The following SPAG16 variants were observed in gnomAD, a reference collection of about 807,000 sequenced individuals.
SPAG16 encodes the protein sperm-associated antigen 16 protein.
SPAG16 carries 86 observed loss-of-function variants against 80.4 expected under a neutral mutation model. That is an observed-to-expected ratio of 1.07 (90% CI 0.90 to 1.28). The LOEUF (loss-of-function observed/expected upper bound fraction) is 1.28, where lower values mean the gene tolerates loss of function less well. Ranked by LOEUF, SPAG16 falls within the 50% of genes most tolerant of loss-of-function variation. The pLI is 0.00. For synonymous variants in SPAG16, 294 were observed against 265.9 expected (o/e 1.11, Z -1.03); for missense variants, 870 against 765.3 (o/e 1.14, Z -1.61).
intron 10 of SPAG16, among the ~76,000 whole-genome samples, chr2:213,586,946 C>A (rs1393160259): frequency 6.6e-6 from 1 of 152,176 alleles, no homozygotes; most frequent in African/African-American, 2.4e-5. Context: ...GAAGCCCCAC[C>A]CTTGTAGTGT....
chr2:213,667,162 G>A (rs1471807183), intron 10 of SPAG16, among the ~76,000 whole-genome samples: 1 of 152,130 alleles, frequency 6.6e-6, no homozygotes, highest in Non-Finnish European at 1.5e-5. Flanking sequence ...ACATGAATCT[G>A]GATAAATAAT....
chr2:214,306,995 G>C (rs10203574), intron 15 of SPAG16, among the ~76,000 whole-genome samples: 50,035 of 151,850 alleles, frequency 0.33, 8,266 homozygotes, highest in Admixed American at 0.39. Flanking sequence ...TAGAATTCAG[G>C]TGTGAATCCG....
At chr2:213,764,189 C>T (rs970221554) in intron 10 of SPAG16, among the ~76,000 whole-genome samples, 2 of 151,898 alleles carry the variant, frequency 1.3e-5, no homozygotes, top group Non-Finnish European at 2.9e-5. Context: ...AAAATGATGA[C>T]TAAGTTTTTT....
At chr2:213,339,341 TCAGAATGGAAATGTGA>T (rs531669307) in intron 5 of SPAG16, among the ~76,000 whole-genome samples, 249 of 152,364 alleles carry the variant, frequency 1.6e-3, no homozygotes, top group Non-Finnish European at 3.2e-3. Context: ...AGTCCATTTT[TCAGAATGGAAATGTGA>T]CAGTGTCAAT....
rs201809285 is a variant in SPAG16, at chr2:213,748,158, A to G, written c.1071-114327A>G. ...TTCAGGTTACAAAAAATAGACATAG[A>G]GTTGTTAACAGCATAGTTCATGAAT... On this transcript the variant is annotated intron_variant, in intron 10 of 15. Transcript: ENST00000331683. Among the ~76,000 whole-genome samples, 3 of 152,212 alleles carry G rather than the reference A, an allele frequency of 2.0e-5. No homozygotes were observed. In the East Asian group the frequency reaches 5.8e-4, roughly 29 times the overall value.
At chr2:214,128,887 A>G (rs1170719269) in intron 14 of SPAG16, among the ~76,000 whole-genome samples, 2 of 151,764 alleles carry the variant, frequency 1.3e-5, no homozygotes, top group African/African-American at 4.8e-5. Flanking sequence ...GCAGTGCTCA[A>G]ACTAGGGCTA....
intron 10 of SPAG16, among the ~76,000 whole-genome samples, chr2:213,495,567 G>T (rs1378659649): frequency 2.6e-5 from 4 of 152,202 alleles, no homozygotes; most frequent in Non-Finnish European, 5.9e-5. Flanking sequence ...TCTGTTCTGA[G>T]GGAGATTACA....
At chr2:214,246,680 A>C (rs114619851) in intron 15 of SPAG16, among the ~76,000 whole-genome samples, 1 of 152,116 alleles carries the variant, frequency 6.6e-6, no homozygotes, top group Admixed American at 6.6e-5. Context: ...CTGCAGCCAC[A>C]GGAGAGACTT....
At chr2:214,298,141 T>TACAC (rs376991580) in intron 15 of SPAG16, among the ~76,000 whole-genome samples, 2 of 132,344 alleles carry the variant, frequency 1.5e-5, no homozygotes, top group African/African-American at 6.1e-5. Flanking sequence ...CACATACACA[T>TACAC]ACACACACAC....
intron 10 of SPAG16, among the ~76,000 whole-genome samples, chr2:213,711,886 G>T (rs904920898): frequency 6.6e-6 from 1 of 151,946 alleles, no homozygotes; most frequent in Non-Finnish European, 1.5e-5. Context: ...CTAACATCAA[G>T]CTTAGTACAC....
At chr2:214,114,742 C>T (rs1410747072) in intron 14 of SPAG16, among the ~76,000 whole-genome samples, 1 of 152,298 alleles carries the variant, frequency 6.6e-6, no homozygotes, top group East Asian at 1.9e-4. Flanking sequence ...AAGGGAAATC[C>T]CCCAAACCCT....
At chr2:213,358,625 C>G (rs2065803501) in intron 7 of SPAG16, among the ~76,000 whole-genome samples, 1 of 152,164 alleles carries the variant, frequency 6.6e-6, no homozygotes, top group Non-Finnish European at 1.5e-5. Flanking sequence ...TTAAGGTCTT[C>G]TCTGTACTGT....
In SPAG16 at chr2:213,946,276, A is replaced by T. The variant is rs140796955; in HGVS notation, c.1400+16131A>T. ...ACTACTGGTGCATGCCACCACACCC[A>T]TCTAATTTTTCTATTTTGAATAGAG... On this transcript the variant is annotated intron_variant, in intron 12 of 15. Coordinates refer to ENST00000331683, the MANE Select transcript of SPAG16 (RefSeq NM_024532.5). Among the ~76,000 whole-genome samples the T allele has an allele frequency of 2.0e-4, 30 of 152,186 alleles. No individual in the cohort carries two copies. In the East Asian group the frequency reaches 5.8e-3, roughly 29 times the overall value.
chr2:213,603,210 ATAAGG>A (rs2061129441), intron 10 of SPAG16, among the ~76,000 whole-genome samples: 1 of 152,250 alleles, frequency 6.6e-6, no homozygotes, highest in South Asian at 2.1e-4. Context: ...TTTAAACTTC[ATAAGG>A]TAAGGGACAG....
At chr2:213,973,199 T>C (rs543977389) in intron 12 of SPAG16, among the ~76,000 whole-genome samples, 1 of 152,184 alleles carries the variant, frequency 6.6e-6, no homozygotes, top group African/African-American at 2.4e-5. Flanking sequence ...GGTTTCCAAA[T>C]TCCCCAGTAT....
chr2:214,193,423 GTA>G (rs1491292850), intron 15 of SPAG16, among the ~76,000 whole-genome samples: 2 of 68,522 alleles, frequency 2.9e-5, no homozygotes, highest in African/African-American at 1.2e-4. Flanking sequence ...GTGTGTGTGT[GTA>G]TGAGAGAGAG....
At chr2:213,491,712 G>A (rs1193485965) in intron 10 of SPAG16, among the ~76,000 whole-genome samples, 1 of 152,174 alleles carries the variant, frequency 6.6e-6, no homozygotes, top group Admixed American at 6.5e-5. Flanking sequence ...TCTATTAAAT[G>A]AAAATGTGGA....
At chr2:213,660,877 A>G (rs2063400886) in intron 10 of SPAG16, among the ~76,000 whole-genome samples, 1 of 152,188 alleles carries the variant, frequency 6.6e-6, no homozygotes, top group African/African-American at 2.4e-5. Context: ...CAACCCCCAC[A>G]TCTTCACCAC....
At chr2:213,610,752 ATGCT>A (rs2061416573) in intron 10 of SPAG16, among the ~76,000 whole-genome samples, 1 of 152,174 alleles carries the variant, frequency 6.6e-6, no homozygotes, top group Non-Finnish European at 1.5e-5. Context: ...CCTAGGTACA[ATGCT>A]TGTATATATA....
Sources: allele counts gnomAD v4.1 joint callset (sites outside exome capture counted in the v4.1 genomes callset), GRCh38; gene constraint gnomAD v4.1.1; transcripts MANE v1.5; gene names NCBI Gene and HGNC (gene_info 2026-07-23, HGNC 2026-07-21).